TENM1: variants seen among roughly 807,000 people sequenced by gnomAD.
TENM1 encodes teneurin transmembrane protein 1.
TENM1 carries 35 observed loss-of-function variants against 174.8 expected under a neutral mutation model. The ratio of observed to expected loss-of-function variants is 0.20; its 90% confidence interval spans 0.15 to 0.27. The LOEUF is 0.27. Ranked by LOEUF, TENM1 falls within the 10% of genes least tolerant of loss-of-function variation. The probability of loss-of-function intolerance (pLI) is 1.00; values close to 1 mark genes in which losing one functional copy is unlikely to be tolerated. For missense variants in TENM1, 1,633 were observed against 2,130.1 expected, an observed-to-expected ratio of 0.77 and a Z score of 4.59; for synonymous variants, 781 against 798.7, an observed-to-expected ratio of 0.98 and a Z score of 0.37.
intron 1 of TENM1, among the ~76,000 whole-genome samples, chrX:124,949,683 T>G (rs1320429647): frequency 8.9e-6 from 1 of 111,987 alleles, no homozygotes; most frequent in Non-Finnish European, 1.9e-5. Context: ...TCCACTTTAT[T>G]GTTCCTTCCC....
chrX:124,732,480 T>A (rs2148542327), intron 4 of TENM1, among the ~76,000 whole-genome samples: 1 of 111,827 alleles, frequency 8.9e-6, no homozygotes, highest in South Asian at 3.8e-4. Flanking sequence ...ATGGCCATGT[T>A]GTTTATTTTA....
chrX:124,936,430 C>T lies in TENM1; in HGVS notation c.217+27107G>A, dbSNP rs144044601. 2.5e-3 allele frequency among the ~76,000 whole-genome samples: 275 copies of T among 111,807 alleles called. 1 individual carries two copies. Among genetic ancestry groups the T allele is most frequent in the African/African-American group, 8.4e-3 (258 of 30,804 alleles). On this transcript the variant is annotated intron_variant, in intron 1 of 31. Coordinates refer to ENST00000422452, the Ensembl canonical transcript of TENM1. ...TGGACACACTAAGTAGATCCCTAGCCTCACCCTGTTATCTTCTAAGAATAC... is the reference window on the plus strand; with the variant it reads ...TGGACACACTAAGTAGATCCCTAGCTTCACCCTGTTATCTTCTAAGAATAC...
chrX:125,105,587 C>A, the TENM1 span, among the ~76,000 whole-genome samples: 1 of 111,370 alleles, frequency 9.0e-6, no homozygotes, highest in Non-Finnish European at 1.9e-5. Context: ...AGGATGGAAT[C>A]TTTTTCTGAC....
chrX:125,053,823 A>C, the TENM1 span, among the ~76,000 whole-genome samples: 1 of 111,405 alleles, frequency 9.0e-6, no homozygotes, highest in Non-Finnish European at 1.9e-5. Flanking sequence ...AGATGAGAGA[A>C]TTGAGACACA....
chrX:125,148,248 C>A, the TENM1 span, among the ~76,000 whole-genome samples: 2 of 110,220 alleles, frequency 1.8e-5, no homozygotes, highest in African/African-American at 3.3e-5. Flanking sequence ...TCTCTTTTCC[C>A]GCAGCATTCA....
In TENM1 at chrX:124,807,778, A is replaced by G. The variant is rs185310292; in HGVS notation, c.536-70581T>C. Among the ~76,000 whole-genome samples, 166 of 110,602 alleles carry G rather than the reference A, an allele frequency of 1.5e-3. 4 individuals are homozygous for G. The highest frequency in any genetic ancestry group is 0.014 in the Admixed American group (144 of 10,305). On this transcript the variant is annotated intron_variant, in intron 3 of 31. Transcript: ENST00000422452. Reference sequence around the variant, plus strand: ...TAAAATAATCTGTTATGACTGCAAGATATTTTGTAAGTATCATGGTACCCA... The same window carrying G: ...TAAAATAATCTGTTATGACTGCAAGGTATTTTGTAAGTATCATGGTACCCA...
chrX:124,816,106 G>C (rs2055889567), intron 3 of TENM1, among the ~76,000 whole-genome samples: 2 of 111,925 alleles, frequency 1.8e-5, no homozygotes, highest in Admixed American at 1.9e-4. Context: ...ATATATTCAA[G>C]AGATGATCAC....
intron 2 of TENM1, among the ~76,000 whole-genome samples, 178 bp from the exon 6 acceptor site, chrX:124,894,530 T>G (rs2057530009): frequency 8.9e-6 from 1 of 111,984 alleles, no homozygotes; most frequent in South Asian, 3.7e-4. Flanking sequence ...TTTAGTATTT[T>G]TGCAGAGTTG....
rs759788550 is a variant in TENM1, at chrX:124,384,890, G to A, written c.6077-36C>T. ...CAAAACAAAAACAGTAAGAAGCTAG[G>A]CGATCAATGTGGAAGAGTCAGAAAG... On this transcript the variant is annotated intron_variant, in intron 29 of 31. Transcript: ENST00000422452. 5.2e-6 allele frequency: 6 copies of A among 1,161,530 alleles called. No individual in the cohort carries two copies. In the Admixed American group the frequency reaches 1.5e-4, roughly 29 times the overall value.
intron 1 of TENM1, among the ~76,000 whole-genome samples, chrX:124,905,983 A>T (rs1414773970): frequency 8.9e-6 from 1 of 112,330 alleles, no homozygotes; most frequent in Non-Finnish European, 1.9e-5. Flanking sequence ...TACTCAAAAC[A>T]GATTTTGAAT....
At chrX:124,386,777 T>C (rs887693291) in intron 28 of TENM1, among the ~76,000 whole-genome samples, 2 of 109,731 alleles carry the variant, frequency 1.8e-5, no homozygotes, top group African/African-American at 3.3e-5. Flanking sequence ...TGCAGTGGTG[T>C]AGTCATAGCT....
chrX:124,829,463 G>A (rs895367725), intron 3 of TENM1, among the ~76,000 whole-genome samples: 15 of 111,951 alleles, frequency 1.3e-4, no homozygotes, highest in African/African-American at 3.6e-4. Flanking sequence ...CCCAGAGCAC[G>A]TCATCTCAAA....
chrX:124,987,521 A>G, the TENM1 span, among the ~76,000 whole-genome samples: 2 of 112,190 alleles, frequency 1.8e-5, no homozygotes, highest in African/African-American at 6.5e-5. Context: ...TGTTTATGAT[A>G]CAATGATAAG....
chrX:125,131,663 T>C, the TENM1 span, among the ~76,000 whole-genome samples: 4 of 111,797 alleles, frequency 3.6e-5, no homozygotes, highest in Admixed American at 3.8e-4. Flanking sequence ...AAAAGGGTCC[T>C]ATTTTCTGTC....
the TENM1 span, among the ~76,000 whole-genome samples, chrX:125,185,026 T>G: frequency 2.7e-5 from 3 of 111,268 alleles, no homozygotes; most frequent in Non-Finnish European, 5.7e-5. Flanking sequence ...GCACAATAAC[T>G]TTTGCCCCAA....
the TENM1 span, among the ~76,000 whole-genome samples, chrX:125,090,094 A>C: frequency 9.0e-6 from 1 of 111,579 alleles, no homozygotes; most frequent in East Asian, 2.8e-4. Context: ...CTCTTGCTTT[A>C]ATTTCACCAG....
chrX:124,599,842 C>A (rs910961938), intron 11 of TENM1, among the ~76,000 whole-genome samples: 11 of 109,643 alleles, frequency 1.0e-4, no homozygotes, highest in African/African-American at 1.7e-4. Context: ...ATAAGGGGAT[C>A]TTGATTTTAC....
At chrX:124,869,774 A>C (rs2057074837) in intron 3 of TENM1, among the ~76,000 whole-genome samples, 1 of 108,575 alleles carries the variant, frequency 9.2e-6, no homozygotes, top group Non-Finnish European at 1.9e-5. Flanking sequence ...TAAAAATCAA[A>C]ATAATTGAAC....
chrX:124,456,505 T>C (rs1449270733), intron 22 of TENM1, among the ~76,000 whole-genome samples: 1 of 111,983 alleles, frequency 8.9e-6, no homozygotes, highest in African/African-American at 3.2e-5. Context: ...AAGGGGTATT[T>C]AATTTTCACT....
Sources: allele counts gnomAD v4.1 joint callset (sites outside exome capture counted in the v4.1 genomes callset), GRCh38; gene constraint gnomAD v4.1.1; transcripts MANE v1.5; gene names NCBI Gene and HGNC (gene_info 2026-07-23, HGNC 2026-07-21).